OSMR: variants seen among roughly 807,000 people sequenced by gnomAD.
OSMR encodes oncostatin M receptor.
In OSMR, 81 loss-of-function variants were observed where a neutral mutation model predicts 99.9. That is an observed-to-expected ratio of 0.81 (90% CI 0.68 to 0.97). The LOEUF (loss-of-function observed/expected upper bound fraction) is 0.97, where lower values mean the gene tolerates loss of function less well. OSMR is among the 50% of genes least tolerant of loss of function. The pLI, the probability that OSMR is intolerant of heterozygous loss-of-function variation, is 0.00. For synonymous variants in OSMR, 406 were observed against 410.4 expected, an observed-to-expected ratio of 0.99 and a Z score of 0.13; for missense variants, 1,099 against 1,153.4, an observed-to-expected ratio of 0.95 and a Z score of 0.68.
At chr5:38,916,666 T>C (rs1426313698) in intron 9 of OSMR, among the ~76,000 whole-genome samples, 1 of 152,200 alleles carries the variant, frequency 6.6e-6, no homozygotes, top group Non-Finnish European at 1.5e-5. Flanking sequence ...TTATGATAAG[T>C]TGATTGAGCA....
In OSMR at chr5:38,874,428, G is replaced by T. The variant is rs181429291; in HGVS notation, c.74-1773G>T. Among the ~76,000 whole-genome samples, 536 of 152,270 alleles carry T rather than the reference G, an allele frequency of 3.5e-3. 4 individuals are homozygous for T. Among genetic ancestry groups the T allele is most frequent in the African/African-American group, 0.012 (512 of 41,544 alleles). On this transcript the variant is annotated intron_variant, in intron 2 of 17. Coordinates refer to ENST00000274276, the MANE Select transcript of OSMR (RefSeq NM_003999.3). ...TCCCTTTCCTTTTATGGGCATTCTT[G>T]TTCATCTCACTTTCATAGAATGAGT...
intron 1 of OSMR, among the ~76,000 whole-genome samples, chr5:38,862,287 G>T (rs1215439534): frequency 1.0e-5 from 1 of 99,752 alleles, no homozygotes; most frequent in African/African-American, 4.2e-5. Context: ...CTGGCTGGGC[G>T]GGGGGCTGAC....
At chr5:38,916,139 C>T (rs760206037) in intron 9 of OSMR, among the ~76,000 whole-genome samples, 8 of 152,038 alleles carry the variant, frequency 5.3e-5, no homozygotes, top group African/African-American at 9.7e-5. Context: ...AATTTACAAA[C>T]GAAAAGATGT....
At chr5:38,856,544 AAC>A in intron 1 of OSMR, among the ~76,000 whole-genome samples, 1 of 145,450 alleles carries the variant, frequency 6.9e-6, no homozygotes, top group East Asian at 1.9e-4. Context: ...GACAGAAGAA[AAC>A]AGGGAATCTG....
At chr5:38,939,369 G>C (rs1162983053), downstream of OSMR, 2 of 232,026 alleles carry the variant, frequency 8.6e-6, no homozygotes, top group African/African-American at 4.4e-5. Flanking sequence ...TACTTCCAAA[G>C]AGCCTCTTTT....
chr5:38,927,622 T>C (rs1288928376), intron 15 of OSMR, among the ~76,000 whole-genome samples: 2 of 152,062 alleles, frequency 1.3e-5, no homozygotes, highest in East Asian at 3.9e-4. Flanking sequence ...AGGAAACCAT[T>C]TTTCCCTACT....
chr5:38,877,557 A>G (rs1332210977), intron 3 of OSMR, among the ~76,000 whole-genome samples: 1 of 152,128 alleles, frequency 6.6e-6, no homozygotes, highest in East Asian at 1.9e-4. Context: ...CTCACCTTAT[A>G]CTAGCAAGTC....
At position 38,933,165 on chromosome 5, in the gene OSMR, G is replaced by A; in HGVS notation, c.2661G>A (p.Met887Ile). 1 of 1,614,072 alleles carries A rather than the reference G, an allele frequency of 6.2e-7. No homozygotes were observed. The highest frequency in any genetic ancestry group is 8.5e-7 in the Non-Finnish European group (1 of 1,179,990). The change falls in exon 18 of 18, where the codon ATG (methionine) becomes ATA (isoleucine). Residue 887 changes from methionine to isoleucine, a missense_variant. Met to Ile is a conservative substitution (Grantham distance 10). Coordinates refer to ENST00000274276, the MANE Select transcript of OSMR (RefSeq NM_003999.3). ...SPKAPSMLGLMTSPENVLKAL... is the reference protein window; with the variant it reads ...SPKAPSMLGLITSPENVLKAL... The stretch of plus-strand genomic sequence containing the variant: ...AAGCCCCAAGTATGCTGGGACTAAT[G>A]ACCTCACCTGAAAATGTACTAAAGG...
intron 1 of OSMR, chr5:38,943,069 A>C: frequency 3.7e-6 from 3 of 810,532 alleles, no homozygotes; most frequent in Non-Finnish European, 6.0e-6. Flanking sequence ...TTCCCTACAG[A>C]TATGGATTAG....
intron 7 of OSMR, among the ~76,000 whole-genome samples, chr5:38,894,660 A>G (rs1460840708): frequency 6.6e-6 from 1 of 152,116 alleles, no homozygotes; most frequent in Non-Finnish European, 1.5e-5. Context: ...TTCTAAATAT[A>G]TATGTACCCA....
chr5:38,879,212 C>T (rs568741162), intron 3 of OSMR, among the ~76,000 whole-genome samples: 1 of 152,330 alleles, frequency 6.6e-6, no homozygotes, highest in East Asian at 1.9e-4. Flanking sequence ...CAGGCATGAG[C>T]AGAGGCGCTG....
chr5:38,903,201 G>A (rs1011899986), intron 7 of OSMR, among the ~76,000 whole-genome samples: 8 of 152,324 alleles, frequency 5.3e-5, no homozygotes, highest in Middle Eastern at 3.4e-3. Flanking sequence ...AACAAGTTAC[G>A]TGAAATGGAT....
intron 1 of OSMR, among the ~76,000 whole-genome samples, chr5:38,942,619 T>TA (rs368923211): frequency 0.018 from 2,392 of 133,582 alleles, 54 homozygotes; most frequent in East Asian, 0.082. Flanking sequence ...CTCGGCTAAT[T>TA]AAAAAAAAAA....
At chr5:38,941,973 G>A in intron 1 of OSMR, 1 of 250,618 alleles carries the variant, frequency 4.0e-6, no homozygotes, top group Non-Finnish European at 7.7e-6. Flanking sequence ...TCCCATTATT[G>A]TTCCACTGTC....
At chr5:38,863,491 C>T (rs1431997543) in intron 1 of OSMR, among the ~76,000 whole-genome samples, 5 of 151,910 alleles carry the variant, frequency 3.3e-5, no homozygotes, top group South Asian at 2.1e-4. Context: ...GAGCTGAGAT[C>T]GCGCCACTGC....
At chr5:38,912,082 G>GA (rs1037912234) in intron 9 of OSMR, among the ~76,000 whole-genome samples, 74 of 145,146 alleles carry the variant, frequency 5.1e-4, no homozygotes, top group Middle Eastern at 7.0e-3. Context: ...ACAAGAGAAA[G>GA]AAAAAAAAAA....
rs369110448 is a variant in OSMR at position 38,875,153 on chromosome 5, T to C, written c.74-1048T>C. ...ATGATATCTCTTACGCCATGAGTCA[T>C]CAGATAGCAGCTGATTTTATCGATG... On this transcript the variant is annotated intron_variant, in intron 2 of 17. Coordinates refer to ENST00000274276, the MANE Select transcript of OSMR (RefSeq NM_003999.3). 2.6e-5 allele frequency among the ~76,000 whole-genome samples: 4 copies of C among 152,264 alleles called. No individual in the cohort carries two copies. The East Asian group carries it at 5.8e-4, about 22-fold the overall frequency.
In OSMR at chr5:38,919,753, C is replaced by T. The variant is rs907262115; in HGVS notation, c.1585+691C>T. Among the ~76,000 whole-genome samples, 3 of 152,124 alleles carry T rather than the reference C, an allele frequency of 2.0e-5. No individual in the cohort carries two copies. The East Asian group carries it at 5.8e-4, about 29-fold the overall frequency. ...TTCATGAACCTTGCAATAATATTAC[C>T]CTTCAGTTCCTGCTATTAAAATTTC... On this transcript the variant is annotated intron_variant, in intron 11 of 17. Transcript: ENST00000274276.
chr5:38,905,147 C>G (rs1745146308), intron 9 of OSMR, among the ~76,000 whole-genome samples: 1 of 152,122 alleles, frequency 6.6e-6, no homozygotes, highest in Non-Finnish European at 1.5e-5. Context: ...GCAACTTGCA[C>G]CCATAACTGA....
Sources: allele counts gnomAD v4.1 joint callset (sites outside exome capture counted in the v4.1 genomes callset), GRCh38; gene constraint gnomAD v4.1.1; transcripts MANE v1.5; gene names NCBI Gene and HGNC (gene_info 2026-07-23, HGNC 2026-07-21).